The following RAB36 variants were observed in gnomAD, a reference collection of about 807,000 sequenced individuals.
RAB36 encodes the protein ras-related protein Rab-36.
RAB36 carries 33 observed loss-of-function variants against 39.3 expected under a neutral mutation model. The ratio of observed to expected loss-of-function variants is 0.84; its 90% CI spans 0.64 to 1.12. RAB36 has a LOEUF of 1.12. RAB36 is among the 50% of genes most tolerant of loss of function. The pLI is 0.00. For synonymous variants in RAB36, 133 were observed against 140.2 expected (o/e 0.95, Z 0.36); for missense variants, 308 against 355.3 (o/e 0.87, Z 1.07).
chr22:23,158,029 C>G lies in RAB36; in HGVS notation c.432C>G (p.Thr144=). The G allele has an allele frequency of 6.2e-7, 1 of 1,614,158 alleles. No individual in the cohort carries two copies. ...ITAFDLTDVQ[T]LEHTRQWLED... ...CCTTTGACCTCACTGACGTGCAGAC[C>G]CTGGAGCATACCAGGTAAGTCTGGG... Residue 144 remains threonine, a synonymous_variant, in exon 7 of 11, where the codon ACC becomes ACG. Coordinates refer to ENST00000263116, the MANE Select transcript of RAB36 (RefSeq NM_004914.5).
chr22:23,157,889 G>A, intron 6 of RAB36, 103 bp from the exon 7 acceptor site: 1 of 1,581,378 alleles, frequency 6.3e-7, no homozygotes, highest in Middle Eastern at 1.7e-4. Context: ...GCCTGGTTGG[G>A]GGGCTGCCCT....
downstream of RAB36, among the ~76,000 whole-genome samples, chr22:23,166,230 T>C (rs1645624540): frequency 6.7e-6 from 1 of 148,878 alleles, no homozygotes; most frequent in African/African-American, 2.5e-5. Context: ...AAGCCTCTGT[T>C]TACATCACAC....
chr22:23,160,858 G>A lies in RAB36; in HGVS notation c.620-21G>A, dbSNP rs187168327. ...CAAGGAGAAACACTGATGAGGTCCCGGCTGTCTTGTGGGCCCACAGGCGAG... is the reference window on the plus strand; with the variant it reads ...CAAGGAGAAACACTGATGAGGTCCCAGCTGTCTTGTGGGCCCACAGGCGAG... On this transcript the variant is annotated intron_variant, in intron 9 of 10. Coordinates refer to ENST00000263116, the MANE Select transcript of RAB36 (RefSeq NM_004914.5). 1.0e-4 allele frequency: 168 copies of A among 1,609,868 alleles called. 4 individuals are homozygous for A. In the East Asian group the frequency reaches 1.3e-3, roughly 12 times the overall value.
intron 9 of RAB36, 146 bp downstream of exon 9, chr22:23,159,399 GTGC>G: frequency 1.2e-6 from 1 of 801,050 alleles, no homozygotes; most frequent in Non-Finnish European, 2.0e-6. Flanking sequence ...CAGCCCTGCT[GTGC>G]TGGTGCCTGG....
At chr22:23,153,277 T>G (rs1463987522) in intron 5 of RAB36, 143 bp downstream of exon 5, 18 of 686,174 alleles carry the variant, frequency 2.6e-5, no homozygotes, top group Middle Eastern at 4.0e-4. Flanking sequence ...GACACTTAGC[T>G]TCCTGGCTCC....
intron 6 of RAB36, among the ~76,000 whole-genome samples, chr22:23,157,735 G>A (rs1185206985): frequency 3.9e-5 from 6 of 152,200 alleles, no homozygotes; most frequent in African/African-American, 1.2e-4. Flanking sequence ...AAGCCCATGC[G>A]CTCGCTCCAC....
rs927216116 is a variant in RAB36, at chr22:23,163,616, C to G, written c.*2052C>G. The G allele has an allele frequency of 1.3e-5, 2 of 149,060 alleles. No individual in the cohort carries two copies. Among genetic ancestry groups the G allele is most frequent in the East Asian group, 1.9e-4 (1 of 5,160 alleles). The allele number at this position is 149,060 out of a possible 1,614,324, so 9.2% of individuals were successfully genotyped here. A position where few individuals can be genotyped will look rare whatever the true frequency, so the allele number is the denominator to read the frequency against. On this transcript the variant is annotated 3_prime_UTR_variant, in exon 11 of 11. Coordinates refer to ENST00000263116, the MANE Select transcript of RAB36 (RefSeq NM_004914.5). ...AAATACAAGGTGAAAGCCCCCCCCC[C>G]GCCACATTAGCTGCGCCCCTGAAGT...
chr22:23,151,283 C>G (rs894592380), intron 3 of RAB36, among the ~76,000 whole-genome samples: 6 of 152,242 alleles, frequency 3.9e-5, no homozygotes, highest in African/African-American at 1.2e-4. Context: ...TCCCTGATCC[C>G]TTATGGCAGC....
chr22:23,147,452 C>T (rs1357669483), intron 2 of RAB36, among the ~76,000 whole-genome samples: 1 of 152,042 alleles, frequency 6.6e-6, no homozygotes, highest in Non-Finnish European at 1.5e-5. Context: ...GCCTCAGCCT[C>T]CCGGAGTAGC....
In RAB36 at chr22:23,155,873, G is replaced by A. The variant is rs1238077913; in HGVS notation, c.330-95G>A. On this transcript the variant is annotated intron_variant, in intron 5 of 10. Transcript: ENST00000263116. ...CCCATGCAGCTGGCACAGGCCCTTAGGGTCTCCCACCCATGGTCCCGTAGC... is the reference window on the plus strand; with the variant it reads ...CCCATGCAGCTGGCACAGGCCCTTAAGGTCTCCCACCCATGGTCCCGTAGC... 1.3e-5 allele frequency: 15 copies of A among 1,177,266 alleles called. No individual in the cohort carries two copies. In the South Asian group the frequency reaches 1.5e-4, roughly 12 times the overall value. The allele number at this position is 1,177,266 out of a possible 1,614,324, so 72.9% of individuals were successfully genotyped here.
downstream of RAB36, among the ~76,000 whole-genome samples, chr22:23,167,687 A>C (rs2072073781): frequency 6.6e-6 from 1 of 151,996 alleles, no homozygotes; most frequent in Non-Finnish European, 1.5e-5. Flanking sequence ...TCACTCATTC[A>C]TTAACTCTTT....
chr22:23,160,488 A>G (rs1049533065), intron 9 of RAB36, among the ~76,000 whole-genome samples: 2 of 152,368 alleles, frequency 1.3e-5, no homozygotes, highest in South Asian at 4.1e-4. Context: ...GCCCCACCGG[A>G]CAGGTATGGA....
At chr22:23,153,205 C>T (rs1011088955) in intron 5 of RAB36, 71 bp downstream of exon 5, 26 of 1,153,682 alleles carry the variant, frequency 2.3e-5, no homozygotes, top group Middle Eastern at 2.0e-4. Context: ...TTGGGGAGCT[C>T]CTTCACTGTG....
At chr22:23,148,045 A>G (rs2070898558) in intron 2 of RAB36, among the ~76,000 whole-genome samples, 1 of 152,100 alleles carries the variant, frequency 6.6e-6, no homozygotes, top group African/African-American at 2.4e-5. Flanking sequence ...AGAGGGATAG[A>G]TCCTCTCCAT....
At chr22:23,159,280 G>C in intron 9 of RAB36, 27 bp downstream of exon 9, 3 of 1,555,110 alleles carry the variant, frequency 1.9e-6, no homozygotes, top group Non-Finnish European at 2.6e-6. Context: ...TGTCACCATG[G>C]TGGGGCAGAG....
At chr22:23,153,215 G>T in intron 5 of RAB36, 81 bp downstream of exon 5, 1 of 1,076,206 alleles carries the variant, frequency 9.3e-7, no homozygotes, top group Admixed American at 1.8e-5. Context: ...CCTTCACTGT[G>T]TCCATGTCAA....
chr22:23,153,095 A>G lies in RAB36; in HGVS notation c.290A>G (p.Glu97Gly). The change falls in exon 5 of 11, where the codon GAG (glutamate) becomes GGG (glycine). Residue 97 changes from glutamate to glycine, a missense_variant. Coordinates refer to ENST00000263116, the MANE Select transcript of RAB36 (RefSeq NM_004914.5). ...KATIGVDFEI[E>G]RFEIAGIPYS... Reference sequence around the variant, plus strand: ...ACCATTGGGGTGGACTTTGAAATTGAGCGCTTTGAGATTGCTGGGATTCCC... The same window carrying G: ...ACCATTGGGGTGGACTTTGAAATTGGGCGCTTTGAGATTGCTGGGATTCCC... 1.2e-6 allele frequency: 2 copies of G among 1,614,058 alleles called. No individual in the cohort carries two copies. Among genetic ancestry groups the G allele is most frequent in the East Asian group, 2.2e-5 (1 of 44,872 alleles).
chr22:23,155,371 T>C (rs2071395830), intron 5 of RAB36, among the ~76,000 whole-genome samples: 1 of 152,214 alleles, frequency 6.6e-6, no homozygotes, highest in African/African-American at 2.4e-5. Flanking sequence ...TCGATTGTTG[T>C]ACTCTTTTCC....
intron 3 of RAB36, 32 bp downstream of exon 3, chr22:23,150,186 G>C (rs1275628325): frequency 1.9e-6 from 3 of 1,546,268 alleles, no homozygotes; most frequent in African/African-American, 2.7e-5. Flanking sequence ...TGGGGGAGCA[G>C]GTGGCAAGAA....
Sources: allele counts gnomAD v4.1 joint callset (sites outside exome capture counted in the v4.1 genomes callset), GRCh38; gene constraint gnomAD v4.1.1; transcripts MANE v1.5; gene names NCBI Gene and HGNC (gene_info 2026-07-23, HGNC 2026-07-21).